CD58: variants seen among roughly 807,000 people sequenced by gnomAD.
CD58 encodes lymphocyte function-associated antigen 3.
Under a neutral mutation model 27.6 loss-of-function variants are expected in CD58, and 14 were observed. The ratio of observed to expected loss-of-function variants is 0.51; its 90% CI spans 0.34 to 0.79. The LOEUF is 0.79. Among genes scored for constraint, CD58 ranks in the 30% least tolerant of loss-of-function variants. The pLI is 0.02. For missense variants in CD58, 268 were observed against 301.7 expected, an observed-to-expected ratio of 0.89 and a Z score of 0.83; for synonymous variants, 117 against 103.8, an observed-to-expected ratio of 1.13 and a Z score of -0.77.
rs1297355284 is a variant in CD58 at position 116,570,443 on chromosome 1, G to C, written c.70+460C>G. On this transcript the variant is annotated intron_variant, in intron 1 of 5. Transcript: ENST00000369489. This position sits in a 1 kb window ranked among gnomAD's most constrained non-coding sequence, Gnocchi z 6.4. Reference sequence around the variant, plus strand: ...TGATACGGCGGACGCCGCGCGGGCGGGGACGGCACCGCGCGGGGAGGGCAG... The same window carrying C: ...TGATACGGCGGACGCCGCGCGGGCGCGGACGGCACCGCGCGGGGAGGGCAG... Among the ~76,000 whole-genome samples the C allele has an allele frequency of 2.6e-5, 4 of 152,012 alleles. No individual in the cohort carries two copies. The highest frequency in any genetic ancestry group is 5.9e-5 in the Non-Finnish European group (4 of 67,954).
Position 116,569,031 on chromosome 1 carries a change from G to C in CD58, c.70+1872C>G, listed in dbSNP as rs189097218. ...GACTTCTGAATGAATACATGAATTA[G>C]GTGAGAGAGATCACCAGGAAGGGAC... On this transcript the variant is annotated intron_variant, in intron 1 of 5. Coordinates refer to ENST00000369489, the MANE Select transcript of CD58 (RefSeq NM_001779.3). 3.3e-5 allele frequency among the ~76,000 whole-genome samples: 5 copies of C among 152,332 alleles called. No individual in the cohort carries two copies. The East Asian group carries it at 9.6e-4, about 29-fold the overall frequency.
At chr1:116,525,170 T>G (rs1303177442) in intron 3 of CD58, among the ~76,000 whole-genome samples, 1 of 152,230 alleles carries the variant, frequency 6.6e-6, no homozygotes, top group East Asian at 1.9e-4. Context: ...ACAGAGTATT[T>G]TCACTGCCCC....
rs12038673 is a variant in CD58 at position 116,546,014 on chromosome 1, G to A, written c.71-1410C>T. 0.14 allele frequency among the ~76,000 whole-genome samples: 21,428 copies of A among 151,964 alleles called. 2,314 individuals are homozygous for A. The highest frequency in any genetic ancestry group is 0.57 in the East Asian group (2,919 of 5,146). ...TAAAATGGCGAAACCCCATCTTTAC[G>A]AAAAGTACAAAAAATTAGCTGGGCA... is the stretch of plus-strand genomic sequence containing the variant. On this transcript the variant is annotated intron_variant, in intron 1 of 5. Transcript: ENST00000369489. This position sits in a 1 kb window ranked among gnomAD's most constrained non-coding sequence, Gnocchi z 4.1.
At chr1:116,530,975 T>G (rs563243625) in intron 3 of CD58, among the ~76,000 whole-genome samples, 1 of 152,280 alleles carries the variant, frequency 6.6e-6, no homozygotes, top group South Asian at 2.1e-4. Context: ...TCAAGCAACA[T>G]TCCTCAAACT....
At position 116,538,332 on chromosome 1, in the gene CD58, G is replaced by A. The variant is rs1373384277; in HGVS notation, c.365-2104C>T. 4.6e-5 allele frequency among the ~76,000 whole-genome samples: 7 copies of A among 152,030 alleles called. No individual in the cohort carries two copies. Among genetic ancestry groups the A allele is most frequent in the African/African-American group, 1.7e-4 (7 of 41,352 alleles). ...AGCCCTGCTCTCCTAACTTCCTCTG[G>A]TCCCTTTTGCCCACCCCACCCCATA... On this transcript the variant is annotated intron_variant, in intron 2 of 5. Coordinates refer to ENST00000369489, the MANE Select transcript of CD58 (RefSeq NM_001779.3). This position sits in a 1 kb window ranked among gnomAD's most constrained non-coding sequence, Gnocchi z 4.7.
rs545822095 is a variant in CD58, at chr1:116,521,085, A to G, written c.706+821T>C. On this transcript the variant is annotated intron_variant, in intron 4 of 5. Transcript: ENST00000369489. This position sits in a 1 kb window ranked among gnomAD's most constrained non-coding sequence, Gnocchi z 5.6. The stretch of plus-strand genomic sequence containing the variant: ...TAAATTTAATGGTATTTCATTTTAA[A>G]TGATATATTTAAATAATCATATGTG... 1.3e-5 allele frequency among the ~76,000 whole-genome samples: 2 copies of G among 152,304 alleles called. No homozygotes were observed. The highest frequency in any genetic ancestry group is 2.1e-4 in the South Asian group (1 of 4,830).
chr1:116,521,772 C>A lies in CD58; in HGVS notation c.706+134G>T. ...CTAGCATGCTCAGCAGTCCCACACA[C>A]GTAAAGCAAAAAAGTTTTTGTTTCT... On this transcript the variant is annotated intron_variant, in intron 4 of 5. Transcript: ENST00000369489. This position sits in a 1 kb window ranked among gnomAD's most constrained non-coding sequence, Gnocchi z 5.6. 1.6e-6 allele frequency: 1 copy of A among 640,766 alleles called. No homozygotes were observed. The highest frequency in any genetic ancestry group is 2.9e-6 in the Non-Finnish European group (1 of 349,496). The allele number at this position is 640,766 out of a possible 1,614,324, so 39.7% of individuals were successfully genotyped here.
In CD58 at chr1:116,566,879, C is replaced by T. The variant is rs184313010; in HGVS notation, c.70+4024G>A. On this transcript the variant is annotated intron_variant, in intron 1 of 5. Transcript: ENST00000369489. ...GAGAAAATTGCTGGGTGGCTCATGCCTATAATCCCGACACTTTGGGAAACT... is the reference window on the plus strand; with the variant it reads ...GAGAAAATTGCTGGGTGGCTCATGCTTATAATCCCGACACTTTGGGAAACT... Among the ~76,000 whole-genome samples, 27 of 152,056 alleles carry T rather than the reference C, an allele frequency of 1.8e-4. No homozygotes were observed. In the East Asian group the frequency reaches 5.0e-3, roughly 28 times the overall value.
At chr1:116,537,842 C>T (rs973765129) in intron 2 of CD58, among the ~76,000 whole-genome samples, 1 of 152,052 alleles carries the variant, frequency 6.6e-6, no homozygotes, top group Non-Finnish European at 1.5e-5. Context: ...CATGGTAGCA[C>T]TGGGATAATA....
chr1:116,568,300 T>G (rs1426490472), intron 1 of CD58, among the ~76,000 whole-genome samples: 1 of 152,132 alleles, frequency 6.6e-6, no homozygotes, highest in Non-Finnish European at 1.5e-5. Context: ...CTCAAATGGT[T>G]TGGCAAAAAT....
At position 116,531,777 on chromosome 1, in the gene CD58, T is replaced by C. The variant is rs904201725; in HGVS notation, c.628+4188A>G. 2.6e-5 allele frequency among the ~76,000 whole-genome samples: 4 copies of C among 152,242 alleles called. No homozygotes were observed. Among genetic ancestry groups the C allele is most frequent in the African/African-American group, 9.6e-5 (4 of 41,460 alleles). Reference sequence around the variant, plus strand: ...TTTTCTCCGTGTTTCATAACTTTAATAGAATATTCTAACTATTATGTACAA... The same window carrying C: ...TTTTCTCCGTGTTTCATAACTTTAACAGAATATTCTAACTATTATGTACAA... On this transcript the variant is annotated intron_variant, in intron 3 of 5. Transcript: ENST00000369489. The surrounding 1 kb of genome is among the most constrained non-coding windows in gnomAD (Gnocchi z 4.5).
At position 116,523,164 on chromosome 1, in the gene CD58, G is replaced by A. The variant is rs1014352181; in HGVS notation, c.629-1181C>T. On this transcript the variant is annotated intron_variant, in intron 3 of 5. Transcript: ENST00000369489. The surrounding 1 kb of genome is among the most constrained non-coding windows in gnomAD (Gnocchi z 4.4). ...TCTACTCCCCGCAAAAAGGCACAAA[G>A]ATATTTACTGCAGCCTTACTTAATA... Among the ~76,000 whole-genome samples, 3 of 152,176 alleles carry A rather than the reference G, an allele frequency of 2.0e-5. No individual in the cohort carries two copies. Among genetic ancestry groups the A allele is most frequent in the Non-Finnish European group, 4.4e-5 (3 of 68,032 alleles).
At chr1:116,556,109 G>C (rs1410898677) in intron 1 of CD58, among the ~76,000 whole-genome samples, 2 of 151,966 alleles carry the variant, frequency 1.3e-5, no homozygotes, top group Non-Finnish European at 2.9e-5. Context: ...TACAAAATTA[G>C]CTGGGCGTGG....
intron 1 of CD58, among the ~76,000 whole-genome samples, chr1:116,554,453 A>G (rs1232898788): frequency 6.6e-6 from 1 of 152,160 alleles, no homozygotes; most frequent in African/African-American, 2.4e-5. Flanking sequence ...TGGTAGGCCA[A>G]AGTGGAAGGA....
In CD58 at chr1:116,527,067, A is replaced by G. The variant is rs1657454115; in HGVS notation, c.629-5084T>C. On this transcript the variant is annotated intron_variant, in intron 3 of 5. Transcript: ENST00000369489. This position sits in a 1 kb window ranked among gnomAD's most constrained non-coding sequence, Gnocchi z 4.4. Reference sequence around the variant, plus strand: ...GCTATAGTTTTTTATTAGTTCCAGGAGGTTTTTGGTCAATTCGTTTGGATT... The same window carrying G: ...GCTATAGTTTTTTATTAGTTCCAGGGGGTTTTTGGTCAATTCGTTTGGATT... Among the ~76,000 whole-genome samples the G allele has an allele frequency of 1.3e-5, 2 of 152,086 alleles. No homozygotes were observed. Among genetic ancestry groups the G allele is most frequent in the South Asian group, 4.1e-4 (2 of 4,822 alleles).
intron 1 of CD58, among the ~76,000 whole-genome samples, chr1:116,548,475 T>A (rs1286985027): frequency 3.3e-5 from 5 of 152,228 alleles, no homozygotes; most frequent in African/African-American, 1.2e-4. Flanking sequence ...GATTTTTATA[T>A]AAGGTGAAAG....
At position 116,570,793 on chromosome 1, in the gene CD58, C is replaced by G; in HGVS notation, c.70+110G>C. 1.3e-6 allele frequency: 1 copy of G among 780,260 alleles called. No homozygotes were observed. Among genetic ancestry groups the G allele is most frequent in the Non-Finnish European group, 2.0e-6 (1 of 497,260 alleles). The allele number at this position is 780,260 out of a possible 1,614,324, so 48.3% of individuals were successfully genotyped here. A position where few individuals can be genotyped will look rare whatever the true frequency, so the allele number is the denominator to read the frequency against. On this transcript the variant is annotated intron_variant, in intron 1 of 5. Transcript: ENST00000369489. The surrounding 1 kb of genome is among the most constrained non-coding windows in gnomAD (Gnocchi z 6.4). The stretch of plus-strand genomic sequence containing the variant: ...TGTTCCCGGCCCACAGCGACCCGTC[C>G]CCACCCGTCTCTGATCGGCAACCGC...
At chr1:116,537,569 G>A (rs896494594) in intron 2 of CD58, among the ~76,000 whole-genome samples, 1 of 152,184 alleles carries the variant, frequency 6.6e-6, no homozygotes, top group Non-Finnish European at 1.5e-5. Flanking sequence ...AGACCTGCCT[G>A]TCCAGAGGCC....
rs1261810142 is a variant in CD58, at chr1:116,521,398, CA to C, written c.706+507del. Among the ~76,000 whole-genome samples the C allele has an allele frequency of 6.6e-6, 1 of 152,172 alleles. No individual in the cohort carries two copies. The highest frequency in any genetic ancestry group is 6.5e-5 in the Admixed American group (1 of 15,272). ...GCTGGGAACAAATTCTCCAAGTCATCAGTTCTCCAAGCTGTATGACTGCCCA... is the reference window on the plus strand; with the variant it reads ...GCTGGGAACAAATTCTCCAAGTCATCGTTCTCCAAGCTGTATGACTGCCCA... On this transcript the variant is annotated intron_variant, in intron 4 of 5. Coordinates refer to ENST00000369489, the MANE Select transcript of CD58 (RefSeq NM_001779.3). The surrounding 1 kb of genome is among the most constrained non-coding windows in gnomAD (Gnocchi z 5.6).
Sources: allele counts gnomAD v4.1 joint callset (sites outside exome capture counted in the v4.1 genomes callset), GRCh38; gene constraint gnomAD v4.1.1; non-coding constraint Gnocchi (gnomAD v3.1); transcripts MANE v1.5; gene names NCBI Gene and HGNC (gene_info 2026-07-23, HGNC 2026-07-21).